ACSL1: variants seen among roughly 807,000 people sequenced by gnomAD.
ACSL1 encodes the protein acyl-CoA synthetase long chain family member 1.
A neutral mutation model predicts 98.4 loss-of-function variants in ACSL1; 41 were observed. That is an observed-to-expected ratio of 0.42 (90% CI 0.32 to 0.54). The LOEUF (loss-of-function observed/expected upper bound fraction) is 0.54. Ranked by LOEUF, ACSL1 falls within the 20% of genes least tolerant of loss-of-function variation. ACSL1 has a pLI of 0.13. For missense variants in ACSL1, 734 were observed against 883.1 expected, an observed-to-expected ratio of 0.83 and a Z score of 2.14; for synonymous variants, 316 against 322.7, an observed-to-expected ratio of 0.98 and a Z score of 0.22.
chr4:184,763,332 C>T lies in ACSL1; in HGVS notation c.1433-77G>A, dbSNP rs576452760. 1.2e-5 allele frequency: 16 copies of T among 1,317,348 alleles called. No individual in the cohort carries two copies. The Admixed American group carries it at 3.5e-4, about 29-fold the overall frequency. 81.6% of individuals were successfully genotyped at this position (1,317,348 alleles called of 1,614,324 possible). A position where few individuals can be genotyped will look rare whatever the true frequency, so the allele number is the denominator to read the frequency against. On this transcript the variant is annotated intron_variant, in intron 15 of 20. Coordinates refer to ENST00000281455, the MANE Select transcript of ACSL1 (RefSeq NM_001995.5). Reference sequence around the variant, plus strand: ...CAGGTCAAATTATTTTGATAGCAAACAGGATTCCACATAAGAAAAACGGCT... The same window carrying T: ...CAGGTCAAATTATTTTGATAGCAAATAGGATTCCACATAAGAAAAACGGCT...
intron 3 of ACSL1, 139 bp downstream of exon 3, chr4:184,788,478 G>T: frequency 2.7e-6 from 2 of 735,816 alleles, no homozygotes. Flanking sequence ...CCGACTCTGG[G>T]AAAGTTACAG....
At chr4:184,763,277 G>T in intron 15 of ACSL1, 22 bp from the exon 16 acceptor site, 1 of 1,607,272 alleles carries the variant, frequency 6.2e-7, no homozygotes. Context: ...ATAAGCAAAT[G>T]GTCATTCCTA....
intron 1 of ACSL1, among the ~76,000 whole-genome samples, chr4:184,809,841 T>G (rs1771868809): frequency 6.6e-6 from 1 of 152,134 alleles, no homozygotes; most frequent in South Asian, 2.1e-4. Flanking sequence ...ATTTCATTAA[T>G]ATGTTATTTG....
chr4:184,802,815 A>T (rs1770753100), intron 2 of ACSL1, among the ~76,000 whole-genome samples: 2 of 152,098 alleles, frequency 1.3e-5, no homozygotes. Flanking sequence ...TCCTGCCCCG[A>T]ATTCTGCAGC....
intron 5 of ACSL1, among the ~76,000 whole-genome samples, chr4:184,779,499 C>A (rs1170912312): frequency 6.6e-6 from 1 of 152,170 alleles, no homozygotes; most frequent in Non-Finnish European, 1.5e-5. Flanking sequence ...CACTGGTTTA[C>A]AGAAACCGTG....
chr4:184,789,870 C>A (rs201789190), intron 2 of ACSL1, among the ~76,000 whole-genome samples: 1 of 132,130 alleles, frequency 7.6e-6, no homozygotes, highest in African/African-American at 2.9e-5. Flanking sequence ...GTGACTATGA[C>A]GTTAGAGCCT....
chr4:184,819,907 GAAGGC>G (rs1377562918), intron 1 of ACSL1, among the ~76,000 whole-genome samples: 1 of 152,160 alleles, frequency 6.6e-6, no homozygotes, highest in Non-Finnish European at 1.5e-5. Flanking sequence ...GCAATACTGA[GAAGGC>G]AAGGAGGAAA....
intron 2 of ACSL1, among the ~76,000 whole-genome samples, chr4:184,802,826 C>T (rs1306132465): frequency 6.6e-6 from 1 of 152,200 alleles, no homozygotes; most frequent in East Asian, 1.9e-4. Context: ...ATTCTGCAGC[C>T]GTGTTCTTCC....
chr4:184,773,676 T>A lies in ACSL1; in HGVS notation c.828A>T (p.Thr276=). The part of the protein sequence containing the change: ...APEDLAVICF[T]SGTTGNPKGA... ...CTCAAAACTCACCTGTAGTTCCACTTGTGAAACAAATTACTGCAAGATCTT... is the reference window on the plus strand; with the variant it reads ...CTCAAAACTCACCTGTAGTTCCACTAGTGAAACAAATTACTGCAAGATCTT... Residue 276 remains threonine (T), a synonymous_variant, in exon 9 of 21, where the codon ACA becomes ACT. Transcript: ENST00000281455. This position sits in a 1 kb window ranked among gnomAD's most constrained non-coding sequence, Gnocchi z 4.3. 1 of 1,612,238 alleles carries A rather than the reference T, an allele frequency of 6.2e-7. No homozygotes were observed. The highest frequency in any genetic ancestry group is 8.5e-7 in the Non-Finnish European group (1 of 1,179,448).
At chr4:184,786,224 G>T (rs1403012569) in intron 3 of ACSL1, among the ~76,000 whole-genome samples, 1 of 152,176 alleles carries the variant, frequency 6.6e-6, no homozygotes, top group Non-Finnish European at 1.5e-5. Flanking sequence ...CATAAGAAGC[G>T]TGGTCTTTAT....
chr4:184,794,097 A>C (rs780359527), intron 2 of ACSL1, among the ~76,000 whole-genome samples: 3 of 152,252 alleles, frequency 2.0e-5, no homozygotes, highest in African/African-American at 4.8e-5. Context: ...TTTCCATGGA[A>C]TATTTTTAAT....
At chr4:184,801,552 T>C (rs1222616706) in intron 2 of ACSL1, among the ~76,000 whole-genome samples, 1 of 152,218 alleles carries the variant, frequency 6.6e-6, no homozygotes, top group Non-Finnish European at 1.5e-5. Context: ...AGGATGATGC[T>C]AGCTATATCA....
Position 184,773,921 on chromosome 4 carries a change from C to G in ACSL1, c.757-46G>C. ...AGTCTTAAATGGAAACGTTTTCTAACTGTAAAGGATAAGGTCACATCGAGT... is the reference window on the plus strand; with the variant it reads ...AGTCTTAAATGGAAACGTTTTCTAAGTGTAAAGGATAAGGTCACATCGAGT... On this transcript the variant is annotated intron_variant, in intron 7 of 20. Transcript: ENST00000281455. This position sits in a 1 kb window ranked among gnomAD's most constrained non-coding sequence, Gnocchi z 4.3. 1 of 1,608,868 alleles carries G rather than the reference C, an allele frequency of 6.2e-7. No individual in the cohort carries two copies. Among genetic ancestry groups the G allele is most frequent in the African/African-American group, 1.3e-5 (1 of 74,912 alleles).
intron 14 of ACSL1, among the ~76,000 whole-genome samples, chr4:184,765,309 G>A (rs1763423225): frequency 6.6e-6 from 1 of 152,148 alleles, no homozygotes; most frequent in Admixed American, 6.5e-5. Flanking sequence ...CATCACCTGT[G>A]ACCCATTCCA....
chr4:184,818,096 C>T (rs1772778118), intron 1 of ACSL1, among the ~76,000 whole-genome samples: 1 of 152,176 alleles, frequency 6.6e-6, no homozygotes, highest in South Asian at 2.1e-4. Flanking sequence ...AGGTGCCTGG[C>T]TGGGCTGCTT....
chr4:184,773,148 G>C lies in ACSL1; in HGVS notation c.848C>G (p.Pro283Arg). The C allele has an allele frequency of 6.2e-7, 1 of 1,613,518 alleles. No homozygotes were observed. The highest frequency in any genetic ancestry group is 8.5e-7 in the Non-Finnish European group (1 of 1,179,512). Reference sequence around the variant, plus strand: ...TCGGTGAGTGACCATTGCTCCTTTGGGGTTGCCTGTGGAGCACATATGAAG... The same window carrying C: ...TCGGTGAGTGACCATTGCTCCTTTGCGGTTGCCTGTGGAGCACATATGAAG... The part of the protein sequence containing the change: ...ICFTSGTTGN[P>R]KGAMVTHRNI... Residue 283 changes from proline (P) to arginine (R), a missense_variant, in exon 10 of 21, where the codon CCC (proline) becomes CGC (arginine). Transcript: ENST00000281455. The surrounding 1 kb of genome is among the most constrained non-coding windows in gnomAD (Gnocchi z 4.3).
At position 184,788,344 on chromosome 4, in the gene ACSL1, G is replaced by C. The variant is rs1461449439; in HGVS notation, c.310+273C>G. The C allele has an allele frequency of 1.3e-5, 7 of 541,930 alleles. No individual in the cohort carries two copies. In the Admixed American group the frequency reaches 1.4e-4, roughly 11 times the overall value. 33.6% of individuals were successfully genotyped at this position (541,930 alleles called of 1,614,324 possible). A position where few individuals can be genotyped will look rare whatever the true frequency, so the allele number is the denominator to read the frequency against. On this transcript the variant is annotated intron_variant, in intron 3 of 20. Coordinates refer to ENST00000281455, the MANE Select transcript of ACSL1 (RefSeq NM_001995.5). ...GACCTCTTTATTGCAGGAAACGTCAGAGCCTATTGTGCACTGGTGTAACAT... is the reference window on the plus strand; with the variant it reads ...GACCTCTTTATTGCAGGAAACGTCACAGCCTATTGTGCACTGGTGTAACAT...
chr4:184,803,901 G>T lies in ACSL1; in HGVS notation c.-32-355C>A, dbSNP rs148785527. Among the ~76,000 whole-genome samples the T allele has an allele frequency of 6.6e-6, 1 of 151,970 alleles. No homozygotes were observed. Among genetic ancestry groups the T allele is most frequent in the Non-Finnish European group, 1.5e-5 (1 of 68,020 alleles). ...TCTTTGCTACTACGTCTCTGCTCTCGTCCATCCACCTAATCAAAAACACTC... is the reference window on the plus strand; with the variant it reads ...TCTTTGCTACTACGTCTCTGCTCTCTTCCATCCACCTAATCAAAAACACTC... On this transcript the variant is annotated intron_variant, in intron 1 of 20. Transcript: ENST00000281455. The surrounding 1 kb of genome is among the most constrained non-coding windows in gnomAD (Gnocchi z 4.8).
chr4:184,795,215 C>T (rs1010918300), intron 2 of ACSL1, among the ~76,000 whole-genome samples: 1 of 152,216 alleles, frequency 6.6e-6, no homozygotes, highest in African/African-American at 2.4e-5. Context: ...AGCTTTTGGA[C>T]AATGGGTGCT....
Sources: allele counts gnomAD v4.1 joint callset (sites outside exome capture counted in the v4.1 genomes callset), GRCh38; gene constraint gnomAD v4.1.1; non-coding constraint Gnocchi (gnomAD v3.1); transcripts MANE v1.5; gene names NCBI Gene and HGNC (gene_info 2026-07-23, HGNC 2026-07-21).